The following PPARGC1B variants were observed in gnomAD, a reference collection of about 807,000 sequenced individuals.
PPARGC1B encodes peroxisome proliferator-activated receptor gamma coactivator 1-beta.
Under a neutral mutation model 101.6 loss-of-function variants are expected in PPARGC1B, and 34 were observed. The observed-to-expected ratio is 0.33, with a 90% CI of 0.25 to 0.45. The LOEUF is 0.45. Ranked by LOEUF, PPARGC1B falls within the 20% of genes least tolerant of loss-of-function variation. PPARGC1B has a pLI of 1.00. For synonymous variants in PPARGC1B, 548 were observed against 539.3 expected (o/e 1.02, Z -0.22); for missense variants, 1,234 against 1,317.6 (o/e 0.94, Z 0.98).
In PPARGC1B at chr5:149,833,167, T is replaced by C; in HGVS notation, c.1094T>C (p.Val365Ala). The change falls in exon 5 of 12, where the codon GTT (valine) becomes GCT (alanine). Residue 365 changes from valine to alanine, a missense_variant. Around this residue, in one of 3 missense-constraint regions of PPARGC1B, gnomAD observed 734 missense variants for 768.4 expected, o/e 0.96. Transcript: ENST00000309241. This position sits in a 1 kb window ranked among gnomAD's most constrained non-coding sequence, Gnocchi z 4.1. ...AAACCCTACCGTCTGGCCACGCCTG[T>C]TTATGCCTCCCTCACACCTCGGTCA... ...VSKPYRLATP[V>A]YASLTPRSRP... 1 of 1,613,526 alleles carries C rather than the reference T, an allele frequency of 6.2e-7. No individual in the cohort carries two copies. Among genetic ancestry groups the C allele is most frequent in the South Asian group, 1.1e-5 (1 of 91,074 alleles).
chr5:149,830,885 T>G lies in PPARGC1B; in HGVS notation c.582+2T>G. 6.2e-7 allele frequency: 1 copy of G among 1,601,162 alleles called. No individual in the cohort carries two copies. Among genetic ancestry groups the G allele is most frequent in the Non-Finnish European group, 8.6e-7 (1 of 1,168,184 alleles). ...AAAAGTCAACGGCCTTGTGTTAAGG[T>G]ATTTCTTCACATGCCCCCAAATCTA... On this transcript the variant is annotated splice_donor_variant, in intron 4 of 11. Transcript: ENST00000309241. LOFTEE classifies it high-confidence loss of function.
intron 1 of PPARGC1B, among the ~76,000 whole-genome samples, chr5:149,752,796 TC>T (rs1197475279): frequency 8.5e-4 from 129 of 152,298 alleles, no homozygotes; most frequent in African/African-American, 2.9e-3. Flanking sequence ...ACCATTGCAC[TC>T]CAGCCTGGGT....
chr5:149,790,485 C>A (rs1003852084), intron 1 of PPARGC1B, among the ~76,000 whole-genome samples: 2 of 152,062 alleles, frequency 1.3e-5, no homozygotes, highest in Non-Finnish European at 2.9e-5. Context: ...CTGCTGTAGC[C>A]CCAAACCAGC....
intron 1 of PPARGC1B, among the ~76,000 whole-genome samples, chr5:149,784,902 C>G (rs1017387379): frequency 2.0e-5 from 3 of 152,178 alleles, no homozygotes; most frequent in Non-Finnish European, 4.4e-5. Flanking sequence ...CTTCTTGGGT[C>G]CTAATCTCCT....
intron 1 of PPARGC1B, among the ~76,000 whole-genome samples, chr5:149,819,515 G>GT (rs1447930353): frequency 1.3e-5 from 2 of 150,812 alleles, no homozygotes; most frequent in African/African-American, 2.5e-5. Flanking sequence ...TTTGTTTTTC[G>GT]TTTTTTTGAG....
chr5:149,824,161 C>T (rs1477641573), intron 2 of PPARGC1B, among the ~76,000 whole-genome samples: 1 of 152,202 alleles, frequency 6.6e-6, no homozygotes, highest in South Asian at 2.1e-4. Context: ...TTTGAAATCT[C>T]TCTTCACTAC....
chr5:149,835,269 T>G lies in PPARGC1B; in HGVS notation c.1743-32T>G, dbSNP rs762395065. 1.6e-5 allele frequency: 25 copies of G among 1,611,284 alleles called. No homozygotes were observed. In the African/African-American group the frequency reaches 2.4e-4, roughly 15 times the overall value. The stretch of plus-strand genomic sequence containing the variant: ...GGTGGATGCCTGCTGCTGACTTGCT[T>G]CTTTCCTTTCTGTCCTCCCTGCCTC... On this transcript the variant is annotated intron_variant, in intron 6 of 11. Coordinates refer to ENST00000309241, the MANE Select transcript of PPARGC1B (RefSeq NM_133263.4).
intron 5 of PPARGC1B, among the ~76,000 whole-genome samples, chr5:149,834,392 AG>A (rs1357145845): frequency 3.9e-5 from 6 of 152,222 alleles, no homozygotes; most frequent in African/African-American, 1.2e-4. Context: ...TGGGACTTAG[AG>A]TCAAGTTCTT....
rs1253323012 is a variant in PPARGC1B, at chr5:149,783,368, A to G, written c.79-37065A>G. Among the ~76,000 whole-genome samples, 7 of 152,338 alleles carry G rather than the reference A, an allele frequency of 4.6e-5. No individual in the cohort carries two copies. The East Asian group carries it at 5.8e-4, about 13-fold the overall frequency. ...CTACATAGGACCTGAGAGACAATTT[A>G]TGGACTGAAGTCATGACCTTGGGGG... is the stretch of plus-strand genomic sequence containing the variant. On this transcript the variant is annotated intron_variant, in intron 1 of 11. Coordinates refer to ENST00000309241, the MANE Select transcript of PPARGC1B (RefSeq NM_133263.4).
intron 1 of PPARGC1B, among the ~76,000 whole-genome samples, chr5:149,753,283 A>G (rs1581013578): frequency 6.6e-6 from 1 of 150,780 alleles, no homozygotes; most frequent in Admixed American, 6.6e-5. Flanking sequence ...CTCGGCTCAC[A>G]GCAACCTCTG....
rs535431093 is a variant in PPARGC1B, at chr5:149,734,259, T to C, written c.78+3839T>C. Among the ~76,000 whole-genome samples the C allele has an allele frequency of 1.8e-4, 26 of 145,068 alleles. No homozygotes were observed. In the South Asian group the frequency reaches 5.4e-3, roughly 30 times the overall value. ...ATCGCTTGAACCCGGGAGGCGGAGG[T>C]TGCAGTGAGCCGAGATCGCGCCACT... On this transcript the variant is annotated intron_variant, in intron 1 of 11. Coordinates refer to ENST00000309241, the MANE Select transcript of PPARGC1B (RefSeq NM_133263.4).
chr5:149,760,057 TA>T (rs764188435), intron 1 of PPARGC1B, among the ~76,000 whole-genome samples: 2 of 152,152 alleles, frequency 1.3e-5, no homozygotes, highest in Non-Finnish European at 2.9e-5. Flanking sequence ...GGCACACACA[TA>T]ATACAGGAGA....
intron 1 of PPARGC1B, among the ~76,000 whole-genome samples, chr5:149,787,736 T>G (rs1756865991): frequency 6.6e-6 from 1 of 152,208 alleles, no homozygotes; most frequent in South Asian, 2.1e-4. Flanking sequence ...TTGACACATG[T>G]AGGGACATGG....
intron 9 of PPARGC1B, 29 bp from the exon 10 acceptor site, chr5:149,842,227 A>T (rs1381359565): frequency 1.9e-6 from 3 of 1,605,322 alleles, no homozygotes; most frequent in African/African-American, 2.7e-5. Flanking sequence ...GCAATGACGG[A>T]GTCTCTCTCT....
intron 3 of PPARGC1B, among the ~76,000 whole-genome samples, chr5:149,828,557 C>T (rs528671791): frequency 2.0e-5 from 3 of 152,352 alleles, no homozygotes; most frequent in East Asian, 1.9e-4. Flanking sequence ...CATTTCTTCA[C>T]GGGGCCTTTG....
chr5:149,784,978 C>T (rs756910474), intron 1 of PPARGC1B, among the ~76,000 whole-genome samples: 34 of 152,332 alleles, frequency 2.2e-4, no homozygotes, highest in Middle Eastern at 3.4e-3. Context: ...ACTGCTGTCT[C>T]TCCAGCACAA....
At position 149,847,701 on chromosome 5, in the gene PPARGC1B, C is replaced by T; in HGVS notation, c.*143C>T. 1 of 608,434 alleles carries T rather than the reference C, an allele frequency of 1.6e-6. No individual in the cohort carries two copies. The highest frequency in any genetic ancestry group is 2.9e-6 in the Non-Finnish European group (1 of 345,452). 37.7% of individuals were successfully genotyped at this position (608,434 alleles called of 1,614,324 possible). A position where few individuals can be genotyped will look rare whatever the true frequency, so the allele number is the denominator to read the frequency against. ...GTGAGAGAGACTTGAAACTGCTGTC[C>T]TTTAAAAAAAAAAAAAATCAATGTT... On this transcript the variant is annotated 3_prime_UTR_variant, in exon 12 of 12. Transcript: ENST00000309241.
At chr5:149,809,350 CATAGATAGATAGATAGATAGATAG>C (rs374136678) in intron 1 of PPARGC1B, among the ~76,000 whole-genome samples, 2 of 34,846 alleles carry the variant, frequency 5.7e-5, no homozygotes, top group African/African-American at 3.5e-4. Flanking sequence ...CCATCTCTAC[CATAGATAGATAGATAGATAGATAG>C]ATAGATAGAT....
At chr5:149,809,592 G>C (rs1757766657) in intron 1 of PPARGC1B, among the ~76,000 whole-genome samples, 2 of 151,078 alleles carry the variant, frequency 1.3e-5, no homozygotes, top group Admixed American at 1.3e-4. Context: ...GGAGGCTGAG[G>C]CGGGAGGATT....
Sources: gnomAD v4.1 joint callset for allele counts (sites outside exome capture counted in the v4.1 genomes callset) on GRCh38, gnomAD v4.1.1 for gene constraint, gnomAD v4.1.1 regional missense constraint, Gnocchi (gnomAD v3.1) non-coding constraint, MANE v1.5 for transcripts, NCBI Gene and HGNC (gene_info 2026-07-23, HGNC 2026-07-21) for gene names.